The following CBFB variants were observed in gnomAD, a reference collection of about 807,000 sequenced individuals.
CBFB encodes the protein core-binding factor subunit beta.
A neutral mutation model predicts 30.4 loss-of-function variants in CBFB; 9 were observed. The ratio of observed to expected loss-of-function variants is 0.30; its 90% CI spans 0.18 to 0.52. The LOEUF (loss-of-function observed/expected upper bound fraction) is 0.52, where lower values mean the gene tolerates loss of function less well. Ranked by LOEUF, CBFB falls within the 20% of genes least tolerant of loss-of-function variation. CBFB has a pLI of 0.97. For missense variants in CBFB, 170 were observed against 244.0 expected (o/e 0.70, Z 2.02); for synonymous variants, 94 against 84.0 (o/e 1.12, Z -0.65).
At chr16:67,094,398 T>C (rs1479492865) in intron 5 of CBFB, among the ~76,000 whole-genome samples, 2 of 152,174 alleles carry the variant, frequency 1.3e-5, no homozygotes, top group African/African-American at 4.8e-5. Flanking sequence ...CTCTGTGCTT[T>C]TATCAAAAAT....
In CBFB at chr16:67,045,179, G is replaced by A. The variant is rs1464170406; in HGVS notation, c.282+8424G>A. 2.0e-5 allele frequency among the ~76,000 whole-genome samples: 3 copies of A among 151,748 alleles called. No individual in the cohort carries two copies. The South Asian group carries it at 6.2e-4, about 32-fold the overall frequency. On this transcript the variant is annotated intron_variant, in intron 3 of 5. Coordinates refer to ENST00000412916, the MANE Select transcript of CBFB (RefSeq NM_022845.3). ...AAAAGTTTTTATTTTAGTTATTTTA[G>A]TTATTTTTCAATCTAAGAGAGGAAG...
chr16:67,090,602 T>C (rs1458139179), intron 5 of CBFB, among the ~76,000 whole-genome samples: 2 of 152,230 alleles, frequency 1.3e-5, no homozygotes, highest in Admixed American at 1.3e-4. Context: ...TTCAACTTGA[T>C]TGGCCTTTTG....
intron 5 of CBFB, among the ~76,000 whole-genome samples, chr16:67,083,156 A>T (rs775525178): frequency 1.1e-4 from 17 of 152,154 alleles, no homozygotes; most frequent in Non-Finnish European, 1.6e-4. Context: ...TCCAGCCTGG[A>T]TGACAGAGTG....
At chr16:67,074,969 G>C (rs1398498687) in intron 4 of CBFB, among the ~76,000 whole-genome samples, 2 of 152,070 alleles carry the variant, frequency 1.3e-5, no homozygotes, top group Non-Finnish European at 2.9e-5. Context: ...AAGGTGGGCA[G>C]ATCACTTGAG....
At chr16:67,097,883 G>A (rs1018780683) in intron 5 of CBFB, among the ~76,000 whole-genome samples, 1 of 152,062 alleles carries the variant, frequency 6.6e-6, no homozygotes, top group Non-Finnish European at 1.5e-5. Flanking sequence ...TGCTATGTTC[G>A]TACCTGTGAA....
At chr16:67,068,797 A>G (rs1014253381) in intron 4 of CBFB, among the ~76,000 whole-genome samples, 2 of 152,234 alleles carry the variant, frequency 1.3e-5, no homozygotes, top group African/African-American at 4.8e-5. Context: ...TGTTATAAAT[A>G]TACTGAAAGA....
At chr16:67,073,757 C>T (rs906319153) in intron 4 of CBFB, among the ~76,000 whole-genome samples, 2 of 149,584 alleles carry the variant, frequency 1.3e-5, no homozygotes, top group African/African-American at 4.9e-5. Context: ...AACACGAGGC[C>T]GGGCGCAGTG....
intron 2 of CBFB, among the ~76,000 whole-genome samples, chr16:67,035,108 C>G (rs1966420841): frequency 6.6e-6 from 1 of 151,470 alleles, no homozygotes; most frequent in African/African-American, 2.4e-5. Context: ...GTGATGGAGT[C>G]TCGCCTTGTT....
intron 5 of CBFB, 41 bp downstream of exon 5, chr16:67,082,349 T>C: frequency 1.2e-6 from 2 of 1,607,076 alleles, no homozygotes; most frequent in South Asian, 1.1e-5. Flanking sequence ...GGTTAGTACT[T>C]TCCCCCAAAC....
intron 3 of CBFB, among the ~76,000 whole-genome samples, chr16:67,042,828 C>G (rs1049115626): frequency 6.6e-6 from 1 of 152,100 alleles, no homozygotes; most frequent in Non-Finnish European, 1.5e-5. Flanking sequence ...CTCTGCCTGC[C>G]GGGTTCAAGC....
At chr16:67,082,076 C>A in intron 4 of CBFB, 137 bp from the exon 5 acceptor site, 1 of 514,114 alleles carries the variant, frequency 1.9e-6, no homozygotes, top group South Asian at 3.8e-5. Flanking sequence ...GCCTCGGCCT[C>A]CCAAAGTGCT....
At chr16:67,063,926 T>G (rs992893474) in intron 3 of CBFB, among the ~76,000 whole-genome samples, 4 of 152,202 alleles carry the variant, frequency 2.6e-5, no homozygotes, top group African/African-American at 9.6e-5. Flanking sequence ...AATGAGAAAC[T>G]GTTTTACAGA....
At chr16:67,051,082 G>A (rs943320512) in intron 3 of CBFB, among the ~76,000 whole-genome samples, 1 of 152,184 alleles carries the variant, frequency 6.6e-6, no homozygotes, top group Non-Finnish European at 1.5e-5. Context: ...ATCATGGAGA[G>A]CAAAACTGTG....
chr16:67,067,612 A>G (rs1961097099), intron 4 of CBFB, among the ~76,000 whole-genome samples: 2 of 152,210 alleles, frequency 1.3e-5, no homozygotes, highest in Non-Finnish European at 2.9e-5. Flanking sequence ...CATTTTAGTC[A>G]GGAGCTGCTC....
At chr16:67,057,496 C>G (rs1268190425) in intron 3 of CBFB, among the ~76,000 whole-genome samples, 1 of 152,068 alleles carries the variant, frequency 6.6e-6, no homozygotes, top group East Asian at 1.9e-4. Flanking sequence ...GAAAATGCAC[C>G]CTTATTCCCC....
chr16:67,072,218 G>A (rs954346051), intron 4 of CBFB, among the ~76,000 whole-genome samples: 2 of 151,950 alleles, frequency 1.3e-5, no homozygotes, highest in Non-Finnish European at 2.9e-5. Flanking sequence ...TTATTATATT[G>A]CTAGCCCTAG....
At chr16:67,031,854 G>C (rs1966356313) in intron 2 of CBFB, among the ~76,000 whole-genome samples, 1 of 151,430 alleles carries the variant, frequency 6.6e-6, no homozygotes, top group South Asian at 2.1e-4. Context: ...CTTGCTGTGT[G>C]GCCTAGGCTG....
At chr16:67,097,991 G>C (rs1431767852) in intron 5 of CBFB, among the ~76,000 whole-genome samples, 3 of 152,196 alleles carry the variant, frequency 2.0e-5, no homozygotes, top group Non-Finnish European at 4.4e-5. Context: ...CCCGCAGACA[G>C]CTGATACTCA....
intron 2 of CBFB, among the ~76,000 whole-genome samples, chr16:67,030,955 A>G (rs1966332219): frequency 6.6e-6 from 1 of 152,150 alleles, no homozygotes; most frequent in African/African-American, 2.4e-5. Context: ...CTGCTCGGTG[A>G]CTTGGACTCA....
Sources: gnomAD v4.1 joint callset for allele counts (sites outside exome capture counted in the v4.1 genomes callset) on GRCh38, gnomAD v4.1.1 for gene constraint, MANE v1.5 for transcripts, NCBI Gene and HGNC (gene_info 2026-07-23, HGNC 2026-07-21) for gene names.